The following HOXB3 variants were observed in gnomAD, a reference collection of about 807,000 sequenced individuals.
The protein encoded by HOXB3 is homeobox B3, also known as homeobox protein Hox-B3.
In HOXB3, 17 loss-of-function variants were observed where a neutral mutation model predicts 29.2. That is an observed-to-expected ratio of 0.58 (90% CI 0.40 to 0.87). The LOEUF (loss-of-function observed/expected upper bound fraction) is 0.87, where lower values mean the gene tolerates loss of function less well. Among genes scored for constraint, HOXB3 ranks in the 40% least tolerant of loss-of-function variants. The pLI is 0.00. For synonymous variants in HOXB3, 317 were observed against 285.9 expected (o/e 1.11, Z -1.10); for missense variants, 637 against 616.3 (o/e 1.03, Z -0.35).
rs758264665 is a variant in HOXB3 at position 48,576,910 on chromosome 17, G to T, written c.-424-2896C>A. ...GCGTGGGCGATCTCCACCCTCCGGC[G>T]CCGTGTCAGGTAGCGGTTGTAGTGA... On this transcript the variant is annotated intron_variant, in intron 1 of 4. Coordinates refer to ENST00000498678, the MANE Select transcript of HOXB3 (RefSeq NM_001384749.1). 18 of 1,614,146 alleles carry T rather than the reference G, an allele frequency of 1.1e-5. No homozygotes were observed. In the South Asian group the frequency reaches 2.0e-4, roughly 18 times the overall value.
At chr17:48,555,465 G>A in intron 3 of HOXB3, 66 bp downstream of exon 3, 1 of 701,314 alleles carries the variant, frequency 1.4e-6, no homozygotes, top group Non-Finnish European at 2.6e-6. Flanking sequence ...AGTCATATGG[G>A]CCATAAATCA....
rs758376060 is a variant in HOXB3 at position 48,550,321 on chromosome 17, T to C, written c.*13A>G. On this transcript the variant is annotated 3_prime_UTR_variant, in exon 5 of 5. Transcript: ENST00000498678. ...TTCCTCCCCATCCCCTAATCCTCGT[T>C]CGCCCTTTCCCATCACAGGTGTGTT... 6.2e-7 allele frequency: 1 copy of C among 1,613,682 alleles called. No individual in the cohort carries two copies. Among genetic ancestry groups the C allele is most frequent in the African/African-American group, 1.3e-5 (1 of 75,038 alleles).
In HOXB3 at chr17:48,552,349, G is replaced by C; in HGVS notation, c.126C>G (p.His42Gln). ...CTGAGCGCTGGTAGTCGCCCTCCAG[G>C]TGCGTGGCGGCCTGAAATGGGGGTT... ...PPQPPFQAATHLEGDYQRSAC... is the reference protein window; with the variant it reads ...PPQPPFQAATQLEGDYQRSAC... Residue 42 changes from histidine to glutamine, a missense_variant, in exon 4 of 5, where the codon CAC (histidine) becomes CAG (glutamine). Coordinates refer to ENST00000498678, the MANE Select transcript of HOXB3 (RefSeq NM_001384749.1). 1.2e-6 allele frequency: 2 copies of C among 1,614,014 alleles called. No homozygotes were observed. Among genetic ancestry groups the C allele is most frequent in the Non-Finnish European group, 8.5e-7 (1 of 1,179,938 alleles).
chr17:48,559,616 T>C (rs1418988946), intron 2 of HOXB3: 2 of 152,166 alleles, frequency 1.3e-5, no homozygotes, highest in Non-Finnish European at 2.9e-5. Flanking sequence ...CTGGGAGTTG[T>C]AAAGTGGGAA....
intron 1 of HOXB3, chr17:48,582,269 G>A (rs1015032325): frequency 6.6e-6 from 1 of 152,346 alleles, no homozygotes; most frequent in Non-Finnish European, 1.5e-5. Context: ...AGGCCCAGAG[G>A]GGGCGCGGGC....
chr17:48,555,351 A>AGAGAGG (rs2068930877), intron 3 of HOXB3, 180 bp downstream of exon 3: 1 of 488,200 alleles, frequency 2.0e-6, no homozygotes, highest in African/African-American at 3.8e-5. Context: ...AGAGAGAGAG[A>AGAGAGG]GAGAGAGAGA....
At position 48,554,865 on chromosome 17, in the gene HOXB3, GAGAA is replaced by G. The variant is rs1416202188; in HGVS notation, c.-159+662_-159+665del. The G allele has an allele frequency of 3.1e-5, 22 of 702,008 alleles. No individual in the cohort carries two copies. The highest frequency in any genetic ancestry group is 5.5e-5 in the Non-Finnish European group (21 of 384,724). The allele number at this position is 702,008 out of a possible 1,614,324, so 43.5% of individuals were successfully genotyped here. A position where few individuals can be genotyped will look rare whatever the true frequency, so the allele number is the denominator to read the frequency against. On this transcript the variant is annotated intron_variant, in intron 3 of 4. Coordinates refer to ENST00000498678, the MANE Select transcript of HOXB3 (RefSeq NM_001384749.1). The surrounding 1 kb of genome is among the most constrained non-coding windows in gnomAD (Gnocchi z 4.1). ...CCTGGCGGACGGGACAGTGGGAAGA[GAGAA>G]AGGTGCTAAGGGGACCCAAGATCTG...
chr17:48,586,247 G>A (rs181250673), intron 1 of HOXB3, among the ~76,000 whole-genome samples: 1 of 152,340 alleles, frequency 6.6e-6, no homozygotes, highest in African/African-American at 2.4e-5. Context: ...AGAGGGAAGA[G>A]AAACGTTAAA....
chr17:48,572,957 T>G (rs1304024827), intron 2 of HOXB3, among the ~76,000 whole-genome samples: 1 of 152,192 alleles, frequency 6.6e-6, no homozygotes, highest in East Asian at 1.9e-4. Flanking sequence ...ACGTGGCCTC[T>G]CCATGAACTC....
intron 2 of HOXB3, among the ~76,000 whole-genome samples, chr17:48,570,232 C>T (rs1299889665): frequency 6.6e-6 from 1 of 152,120 alleles, no homozygotes; most frequent in Non-Finnish European, 1.5e-5. Flanking sequence ...ATACCAGGGA[C>T]TATCTATTCC....
chr17:48,550,520 G>A lies in HOXB3; in HGVS notation c.1110C>T (p.Leu370=). Residue 370 remains leucine (L), a synonymous_variant, in exon 5 of 5, where the codon CTC becomes CTT. Transcript: ENST00000498678. ...GATGGGAAAGGTGGTTGAGGCCATA[G>A]AGGGAGGGGCCGGCAGGGGGCGGCA... The part of the protein sequence containing the change: ...DPLPPPAGPS[L]YGLNHLSHHP... The A allele has an allele frequency of 6.3e-7, 1 of 1,578,626 alleles. No individual in the cohort carries two copies. The highest frequency in any genetic ancestry group is 8.6e-7 in the Non-Finnish European group (1 of 1,168,572).
In HOXB3 at chr17:48,550,372, C is replaced by T; in HGVS notation, c.1258G>A (p.Gly420Ser). The T allele has an allele frequency of 6.2e-7, 1 of 1,614,102 alleles. No homozygotes were observed. The highest frequency in any genetic ancestry group is 1.1e-5 in the South Asian group (1 of 91,082). Reference protein sequence around the residue: ...LSSHHAPPPQGRIQEAPKLTH... With the variant: ...LSSHHAPPPQSRIQEAPKLTH... ...AATTTGGGCGCTTCTTGGATTCTACCCTGAGGAGGAGGCGCGTGGTGAGAG... is the reference window on the plus strand; with the variant it reads ...AATTTGGGCGCTTCTTGGATTCTACTCTGAGGAGGAGGCGCGTGGTGAGAG... Residue 420 changes from glycine (G) to serine (S), a missense_variant, in exon 5 of 5, where the codon GGT (glycine) becomes AGT (serine). Gly to Ser is a moderately conservative substitution (Grantham distance 56, BLOSUM62 0). Transcript: ENST00000498678.
intron 2 of HOXB3, among the ~76,000 whole-genome samples, chr17:48,570,175 A>G (rs1187869018): frequency 6.6e-6 from 1 of 152,184 alleles, no homozygotes; most frequent in Non-Finnish European, 1.5e-5. Flanking sequence ...ATGGAGGCTG[A>G]TCAGTGGGAA....
At chr17:48,575,495 AAAAACACGCTGTGCTGGTCACAAG>A (rs1325097600) in intron 1 of HOXB3, 1 of 152,314 alleles carries the variant, frequency 6.6e-6, no homozygotes, top group Non-Finnish European at 1.5e-5. Flanking sequence ...ATGTTTCAAC[AAAAACACGCTGTGCTGGTCACAAG>A]AAACCAAACA....
intron 2 of HOXB3, among the ~76,000 whole-genome samples, chr17:48,570,556 G>A (rs1246582084): frequency 6.6e-6 from 1 of 152,214 alleles, no homozygotes; most frequent in Non-Finnish European, 1.5e-5. Flanking sequence ...CGGCTTGTTC[G>A]AAGGGGTCTA....
intron 2 of HOXB3, among the ~76,000 whole-genome samples, chr17:48,558,444 T>C (rs926127837): frequency 5.3e-5 from 8 of 151,844 alleles, no homozygotes; most frequent in Non-Finnish European, 8.8e-5. Context: ...CCAAATGCGG[T>C]AGGAGATGGA....
In HOXB3 at chr17:48,551,132, ACCACTGCCTCCG is replaced by A; in HGVS notation, c.486_497del (p.Gly164_Gly167del). ...CGCCGCCGCCACCGCCCCCGCTGCC[ACCACTGCCTCCG>A]CCGCCGCCGCCACCGCCGCCGCCAC... On this transcript the variant is annotated inframe_deletion, in exon 5 of 5. Coordinates refer to ENST00000498678, the MANE Select transcript of HOXB3 (RefSeq NM_001384749.1). 7.6e-7 allele frequency: 1 copy of A among 1,319,818 alleles called. No individual in the cohort carries two copies. The highest frequency in any genetic ancestry group is 9.7e-7 in the Non-Finnish European group (1 of 1,035,858). The allele number at this position is 1,319,818 out of a possible 1,614,324, so 81.8% of individuals were successfully genotyped here.
rs762753310 is a variant in HOXB3 at position 48,551,141 on chromosome 17, T to TCCGCCG, written c.483_488dup (p.Gly163_Gly164dup). Reference sequence around the variant, plus strand: ...CACCGCCCCCGCTGCCACCACTGCCTCCGCCGCCGCCGCCACCGCCGCCGC... The same window carrying TCCGCCG: ...CACCGCCCCCGCTGCCACCACTGCCTCCGCCGCCGCCGCCGCCGCCACCGCCGCCGC... On this transcript the variant is annotated inframe_insertion, in exon 5 of 5. Coordinates refer to ENST00000498678, the MANE Select transcript of HOXB3 (RefSeq NM_001384749.1). 112 of 1,307,288 alleles carry TCCGCCG rather than the reference T, an allele frequency of 8.6e-5. No homozygotes were observed. The highest frequency in any genetic ancestry group is 6.0e-4 in the Admixed American group (19 of 31,512). 81.0% of individuals were successfully genotyped at this position (1,307,288 alleles called of 1,614,324 possible).
At position 48,552,113 on chromosome 17, in the gene HOXB3, G is replaced by A. The variant is rs1194415231; in HGVS notation, c.362C>T (p.Thr121Ile). ...KSGPPKCGPG[T>I]NSTLTKQIFP... ...TATCTGTTTGGTGAGGGTGGAGTTGGTGCCGGGACCGCACTTTGGGGGACC... is the reference window on the plus strand; with the variant it reads ...TATCTGTTTGGTGAGGGTGGAGTTGATGCCGGGACCGCACTTTGGGGGACC... The change falls in exon 4 of 5, where the codon ACC becomes ATC. Residue 121 changes from threonine to isoleucine, a missense_variant. Coordinates refer to ENST00000498678, the MANE Select transcript of HOXB3 (RefSeq NM_001384749.1). 7 of 1,613,598 alleles carry A rather than the reference G, an allele frequency of 4.3e-6. No individual in the cohort carries two copies. The highest frequency in any genetic ancestry group is 5.9e-6 in the Non-Finnish European group (7 of 1,179,790).
Sources: allele counts gnomAD v4.1 joint callset (sites outside exome capture counted in the v4.1 genomes callset), GRCh38; gene constraint gnomAD v4.1.1; non-coding constraint Gnocchi (gnomAD v3.1); transcripts MANE v1.5; gene names NCBI Gene and HGNC (gene_info 2026-07-23, HGNC 2026-07-21).